TF: variants seen among roughly 807,000 people sequenced by gnomAD.
TF encodes the protein transferrin, also known as serotransferrin.
Under a neutral mutation model 82.4 loss-of-function variants are expected in TF, and 55 were observed. That is an observed-to-expected ratio of 0.67 (90% CI 0.54 to 0.84). The LOEUF is 0.84. TF is among the 40% of genes least tolerant of loss of function. The probability of loss-of-function intolerance (pLI) is 0.00; values close to 1 mark genes in which losing one functional copy is unlikely to be tolerated. For synonymous variants in TF, 332 were observed against 332.6 expected (o/e 1.00, Z 0.02); for missense variants, 737 against 868.4 (o/e 0.85, Z 1.90).
chr3:133,775,732 A>G (rs541999593), intron 15 of TF, 115 bp downstream of exon 15: 1 of 1,060,046 alleles, frequency 9.4e-7, no homozygotes, highest in South Asian at 1.3e-5. Context: ...GAAAACTAGA[A>G]TTCCATGCAT....
At chr3:133,676,562 G>A in the TF span, among the ~76,000 whole-genome samples, 1 of 152,178 alleles carries the variant, frequency 6.6e-6, no homozygotes, top group African/African-American at 2.4e-5. Context: ...TATCTTATGT[G>A]GGGTGAGGGG....
the TF span, among the ~76,000 whole-genome samples, chr3:133,716,657 C>T: frequency 1.3e-5 from 2 of 152,194 alleles, no homozygotes; most frequent in Non-Finnish European, 2.9e-5. Context: ...CTCTCCTCCA[C>T]AACACATGAG....
chr3:133,704,414 T>C, the TF span: 1 of 178,796 alleles, frequency 5.6e-6, no homozygotes. Flanking sequence ...AGTGTTGAGA[T>C]AATAACTATT....
At chr3:133,745,840 G>A (rs4481157), upstream of TF, 63,072 of 155,178 alleles carry the variant, frequency 0.41, 13,240 homozygotes, top group South Asian at 0.52. Context: ...CCTCCGTGGG[G>A]GACCTTTGAG....
intron 13 of TF, among the ~76,000 whole-genome samples, chr3:133,770,057 T>C (rs968500842): frequency 1.3e-5 from 2 of 152,168 alleles, no homozygotes; most frequent in African/African-American, 4.8e-5. Flanking sequence ...AAATGCTCCA[T>C]AAATGTTAAA....
the TF span, among the ~76,000 whole-genome samples, chr3:133,667,903 A>G: frequency 6.6e-6 from 1 of 152,242 alleles, no homozygotes; most frequent in Non-Finnish European, 1.5e-5. Flanking sequence ...ATAGGCCTGC[A>G]GAATATAAAA....
In TF at chr3:133,772,000, C is replaced by T. The variant is rs551301458; in HGVS notation, c.1687+1428C>T. On this transcript the variant is annotated intron_variant, in intron 14 of 16. Coordinates refer to ENST00000402696, the MANE Select transcript of TF (RefSeq NM_001063.4). Reference sequence around the variant, plus strand: ...CCTGGGCAACTCATCCAGAATGAACCGGCTCAGCACCAGCCCCTCCAGGAA... The same window carrying T: ...CCTGGGCAACTCATCCAGAATGAACTGGCTCAGCACCAGCCCCTCCAGGAA... 2.6e-5 allele frequency among the ~76,000 whole-genome samples: 4 copies of T among 152,132 alleles called. No homozygotes were observed. In the South Asian group the frequency reaches 8.3e-4, roughly 32 times the overall value.
chr3:133,662,075 G>A, the TF span: 1 of 152,312 alleles, frequency 6.6e-6, no homozygotes, highest in Non-Finnish European at 1.5e-5. Flanking sequence ...GAAAGCTTGG[G>A]CCGGACCCTT....
Position 133,746,405 on chromosome 3 carries a change from C to A in TF, c.-36C>A. The stretch of plus-strand genomic sequence containing the variant: ...CGCCGGAGGCTGCACAGAAGCGAGT[C>A]CGACTGTGCTCGCTGCTCAGCGCCG... On this transcript the variant is annotated 5_prime_UTR_variant, in exon 1 of 17. Coordinates refer to ENST00000402696, the MANE Select transcript of TF (RefSeq NM_001063.4). 6.3e-7 allele frequency: 1 copy of A among 1,584,452 alleles called. No individual in the cohort carries two copies. Among genetic ancestry groups the A allele is most frequent in the Non-Finnish European group, 8.6e-7 (1 of 1,168,812 alleles).
chr3:133,670,803 A>G, the TF span, among the ~76,000 whole-genome samples: 13 of 152,316 alleles, frequency 8.5e-5, no homozygotes, highest in African/African-American at 2.9e-4. Flanking sequence ...TTTCAAATGT[A>G]TGAGTAAGTG....
the TF span, among the ~76,000 whole-genome samples, chr3:133,722,329 T>G: frequency 6.6e-6 from 1 of 152,060 alleles, no homozygotes; most frequent in Non-Finnish European, 1.5e-5. Context: ...GTGAGTCTCT[T>G]GTAGAGAGCA....
At chr3:133,743,253 T>C (rs1343024289), upstream of TF, among the ~76,000 whole-genome samples, 1 of 152,140 alleles carries the variant, frequency 6.6e-6, no homozygotes, top group African/African-American at 2.4e-5. Flanking sequence ...GCCTGACACA[T>C]ACAAGGGGAT....
the TF span, among the ~76,000 whole-genome samples, chr3:133,721,122 TC>T: frequency 2.0e-5 from 3 of 152,120 alleles, no homozygotes; most frequent in African/African-American, 7.2e-5. Context: ...ATTATTTTCT[TC>T]CTTCTACCAA....
chr3:133,755,608 G>A, intron 5 of TF, 113 bp downstream of exon 5: 10 of 1,468,830 alleles, frequency 6.8e-6, no homozygotes, highest in African/African-American at 1.4e-5. Flanking sequence ...CATCGAGGTG[G>A]CCTAATCCCC....
Position 133,755,399 on chromosome 3 carries a change from G to C in TF, c.539G>C (p.Cys180Ser). ...TTCTTCTCGGGCAGCTGTGCCCCTT[G>C]TGCGGATGGGACGGACTTCCCCCAG... ...ANFFSGSCAP[C>S]ADGTDFPQLC... Residue 180 changes from cysteine to serine, a missense_variant, in exon 5 of 17, where the codon TGT becomes TCT. Coordinates refer to ENST00000402696, the MANE Select transcript of TF (RefSeq NM_001063.4). 1 of 1,614,224 alleles carries C rather than the reference G, an allele frequency of 6.2e-7. No homozygotes were observed. Among genetic ancestry groups the C allele is most frequent in the South Asian group, 1.1e-5 (1 of 91,086 alleles).
the TF span, among the ~76,000 whole-genome samples, chr3:133,695,550 G>A: frequency 1.8e-4 from 27 of 152,212 alleles, 1 homozygote; most frequent in South Asian, 5.0e-3. Flanking sequence ...CTAGATATAA[G>A]TTGCCTTATA....
chr3:133,664,365 A>G, the TF span, among the ~76,000 whole-genome samples: 1 of 152,080 alleles, frequency 6.6e-6, no homozygotes, highest in African/African-American at 2.4e-5. Context: ...ACTGTTGTCC[A>G]GGTTGGAGTG....
chr3:133,755,296 G>A (rs1933793005), intron 4 of TF, 67 bp from the exon 5 acceptor site: 1 of 1,610,592 alleles, frequency 6.2e-7, no homozygotes, highest in Admixed American at 1.7e-5. Context: ...GGGCCTGGGT[G>A]GGGTGATGCC....
chr3:133,686,744 G>A, the TF span, among the ~76,000 whole-genome samples: 1 of 152,238 alleles, frequency 6.6e-6, no homozygotes, highest in Admixed American at 6.5e-5. Flanking sequence ...CTTTTACACT[G>A]TTGGTGGGAG....
Sources: gnomAD v4.1 joint callset for allele counts (sites outside exome capture counted in the v4.1 genomes callset) on GRCh38, gnomAD v4.1.1 for gene constraint, MANE v1.5 for transcripts, NCBI Gene and HGNC (gene_info 2026-07-23, HGNC 2026-07-21) for gene names.